The following DENND1A variants were observed in gnomAD, a reference collection of about 807,000 sequenced individuals.
DENND1A encodes the protein DENN domain containing 1A, also known as DENN domain-containing protein 1A.
Under a neutral mutation model 113.7 loss-of-function variants are expected in DENND1A, and 51 were observed. The observed-to-expected ratio is 0.45, with a 90% CI of 0.36 to 0.57. The LOEUF (loss-of-function observed/expected upper bound fraction) is 0.57, where lower values mean the gene tolerates loss of function less well. Among genes scored for constraint, DENND1A ranks in the 20% least tolerant of loss-of-function variants. DENND1A has a pLI of 0.00. For synonymous variants in DENND1A, 565 were observed against 570.8 expected, an observed-to-expected ratio of 0.99 and a Z score of 0.14; for missense variants, 1,258 against 1,395.9, an observed-to-expected ratio of 0.90 and a Z score of 1.57.
chr9:123,882,377 C>T (rs1438555129), intron 1 of DENND1A, among the ~76,000 whole-genome samples: 1 of 150,248 alleles, frequency 6.7e-6, no homozygotes, highest in African/African-American at 2.4e-5. Context: ...TCTAATTTAA[C>T]ATATCATATT....
At chr9:123,419,717 T>A (rs1203521820) in intron 19 of DENND1A, among the ~76,000 whole-genome samples, 3 of 152,262 alleles carry the variant, frequency 2.0e-5, no homozygotes, top group African/African-American at 4.8e-5. Context: ...GCTTTTGATA[T>A]GCCTCCAAAA....
intron 2 of DENND1A, among the ~76,000 whole-genome samples, chr9:123,875,922 G>C (rs920177468): frequency 8.5e-5 from 13 of 152,186 alleles, no homozygotes; most frequent in African/African-American, 3.1e-4. Flanking sequence ...CTCTTGCCAG[G>C]ACCAGTATTT....
chr9:123,676,893 G>A, intron 5 of DENND1A, 104 bp from the exon 6 acceptor site: 1 of 1,054,288 alleles, frequency 9.5e-7, no homozygotes, highest in Non-Finnish European at 1.5e-6. Flanking sequence ...TCTACATCCT[G>A]AAGAGTCTTC....
chr9:123,909,799 A>G (rs1309560849), intron 1 of DENND1A, among the ~76,000 whole-genome samples: 2 of 152,188 alleles, frequency 1.3e-5, no homozygotes, highest in African/African-American at 4.8e-5. Flanking sequence ...AAAAAAACCT[A>G]AAAACATCAT....
intron 8 of DENND1A, among the ~76,000 whole-genome samples, chr9:123,664,342 AT>A (rs1311823076): frequency 1.3e-5 from 2 of 152,068 alleles, no homozygotes; most frequent in African/African-American, 4.8e-5. Flanking sequence ...TTTCTAGAAA[AT>A]TTTCTCTTTT....
rs570662951 is a variant in DENND1A, at chr9:123,525,577, C to T, written c.993+31993G>A. ...TGATCAATAACTCACTGAACAATAC[C>T]GGCTGGCACTATGACCCTGCTCTAC... is the stretch of plus-strand genomic sequence containing the variant. On this transcript the variant is annotated intron_variant, in intron 13 of 23. Transcript: ENST00000394215. Among the ~76,000 whole-genome samples the T allele has an allele frequency of 3.9e-5, 6 of 152,174 alleles. No individual in the cohort carries two copies. The South Asian group carries it at 8.3e-4, about 21-fold the overall frequency.
intron 10 of DENND1A, among the ~76,000 whole-genome samples, chr9:123,629,486 G>A (rs568047908): frequency 8.5e-5 from 13 of 152,300 alleles, no homozygotes; most frequent in African/African-American, 2.4e-4. Context: ...ATGTGTCTGC[G>A]GAAACATTTT....
chr9:123,852,465 T>C (rs926189470), intron 2 of DENND1A, among the ~76,000 whole-genome samples: 1 of 152,180 alleles, frequency 6.6e-6, no homozygotes, highest in African/African-American at 2.4e-5. Context: ...TGGTTGACTA[T>C]TTATTTCCCT....
chr9:123,419,354 T>A (rs184263536), intron 19 of DENND1A, among the ~76,000 whole-genome samples: 212 of 152,328 alleles, frequency 1.4e-3, no homozygotes, highest in African/African-American at 4.9e-3. Context: ...CCTACCTGCC[T>A]CAAATGGAGG....
chr9:123,445,636 C>T (rs1176435464), intron 18 of DENND1A, among the ~76,000 whole-genome samples: 1 of 152,148 alleles, frequency 6.6e-6, no homozygotes, highest in Admixed American at 6.5e-5. Flanking sequence ...GTTGGGAGGC[C>T]GAGGCGGGCA....
At chr9:123,430,161 T>G (rs2046029436) in intron 19 of DENND1A, among the ~76,000 whole-genome samples, 1 of 152,264 alleles carries the variant, frequency 6.6e-6, no homozygotes, top group East Asian at 1.9e-4. Flanking sequence ...CCAGTCAGAA[T>G]AGCGATTATT....
At chr9:123,648,948 T>C (rs1005107088) in intron 9 of DENND1A, among the ~76,000 whole-genome samples, 2 of 152,222 alleles carry the variant, frequency 1.3e-5, no homozygotes, top group Non-Finnish European at 2.9e-5. Context: ...CTCTATTCTG[T>C]TCCATCAGCC....
In DENND1A at chr9:123,422,031, C is replaced by T. The variant is rs941536250; in HGVS notation, c.1489-10202G>A. Among the ~76,000 whole-genome samples, 1 of 152,208 alleles carries T rather than the reference C, an allele frequency of 6.6e-6. No individual in the cohort carries two copies. The highest frequency in any genetic ancestry group is 1.5e-5 in the Non-Finnish European group (1 of 68,038). ...CCCTGCATCCCTCACGACTCTGTTC[C>T]CTTCCCCCAGAAGTTCTCTCTCTAT... On this transcript the variant is annotated intron_variant, in intron 19 of 23. Transcript: ENST00000394215. The surrounding 1 kb of genome is among the most constrained non-coding windows in gnomAD (Gnocchi z 4.8).
intron 13 of DENND1A, among the ~76,000 whole-genome samples, chr9:123,527,544 A>G (rs1438371762): frequency 6.6e-6 from 1 of 151,842 alleles, no homozygotes; most frequent in African/African-American, 2.4e-5. Context: ...TACCCCACTC[A>G]TTTATTCTTC....
chr9:123,900,602 A>G (rs1472212134), intron 1 of DENND1A, among the ~76,000 whole-genome samples: 2 of 152,222 alleles, frequency 1.3e-5, no homozygotes, highest in African/African-American at 2.4e-5. Context: ...GGTGCTATCA[A>G]TGAGGCTGCG....
intron 2 of DENND1A, among the ~76,000 whole-genome samples, chr9:123,845,546 TGTA>T: frequency 6.6e-6 from 1 of 151,648 alleles, no homozygotes; most frequent in East Asian, 1.9e-4. Flanking sequence ...GGCATACACC[TGTA>T]GTCCCAGCTA....
chr9:123,499,610 CT>C (rs1355221348), intron 13 of DENND1A, among the ~76,000 whole-genome samples: 1 of 152,184 alleles, frequency 6.6e-6, no homozygotes, highest in Non-Finnish European at 1.5e-5. Context: ...ATATTAAAAA[CT>C]TACCAAGGAC....
At chr9:123,749,181 G>A (rs1048080071) in intron 5 of DENND1A, among the ~76,000 whole-genome samples, 6 of 152,096 alleles carry the variant, frequency 3.9e-5, no homozygotes, top group African/African-American at 4.8e-5. Flanking sequence ...AAAGAGCTTG[G>A]AACAAAAATC....
chr9:123,876,057 T>C (rs7857050), intron 2 of DENND1A, among the ~76,000 whole-genome samples: 11,790 of 152,276 alleles, frequency 0.077, 755 homozygotes, highest in African/African-American at 0.18. Context: ...AGGACAGATA[T>C]CATGGTCTGC....
Sources: gnomAD v4.1 joint callset for allele counts (sites outside exome capture counted in the v4.1 genomes callset) on GRCh38, gnomAD v4.1.1 for gene constraint, Gnocchi (gnomAD v3.1) non-coding constraint, MANE v1.5 for transcripts, NCBI Gene and HGNC (gene_info 2026-07-23, HGNC 2026-07-21) for gene names.